The following AFAP1L2 variants were observed in gnomAD, a reference collection of about 807,000 sequenced individuals.
The protein encoded by AFAP1L2 is actin filament associated protein 1 like 2.
A neutral mutation model predicts 99.3 loss-of-function variants in AFAP1L2; 46 were observed. That is an observed-to-expected ratio of 0.46 (90% CI 0.37 to 0.59). The LOEUF (loss-of-function observed/expected upper bound fraction) is 0.59, where lower values mean the gene tolerates loss of function less well. Ranked by LOEUF, AFAP1L2 falls within the 20% of genes least tolerant of loss-of-function variation. AFAP1L2 has a pLI of 0.00. For missense variants in AFAP1L2, 959 were observed against 1,034.9 expected (o/e 0.93, Z 1.01); for synonymous variants, 397 against 419.1 (o/e 0.95, Z 0.64).
intron 1 of AFAP1L2, among the ~76,000 whole-genome samples, chr10:114,348,914 A>G (rs572728713): frequency 6.6e-6 from 1 of 152,324 alleles, no homozygotes; most frequent in African/African-American, 2.4e-5. Flanking sequence ...AAGTCTTTTT[A>G]CCTAATAAAA....
In AFAP1L2 at chr10:114,389,662, C is replaced by G. The variant is rs2056908556; in HGVS notation, c.16+14778G>C. Among the ~76,000 whole-genome samples the G allele has an allele frequency of 3.9e-5, 6 of 152,302 alleles. No homozygotes were observed. The Middle Eastern group carries it at 0.017, about 432-fold the overall frequency. On this transcript the variant is annotated intron_variant, in intron 1 of 18. Coordinates refer to ENST00000304129, the MANE Select transcript of AFAP1L2 (RefSeq NM_001001936.3). ...AGCTATGAAAAGCCAGCCCTACCACCCCAGGCTTATTCATGCATCTCCCCC... is the reference window on the plus strand; with the variant it reads ...AGCTATGAAAAGCCAGCCCTACCACGCCAGGCTTATTCATGCATCTCCCCC...
chr10:114,287,893 C>T, the AFAP1L2 span, among the ~76,000 whole-genome samples: 1 of 152,176 alleles, frequency 6.6e-6, no homozygotes, highest in East Asian at 1.9e-4. Context: ...TACCTAATGT[C>T]TTTTTTGTGT....
chr10:114,358,923 A>T (rs2051805261), intron 1 of AFAP1L2, among the ~76,000 whole-genome samples: 1 of 28,906 alleles, frequency 3.5e-5, no homozygotes, highest in Non-Finnish European at 9.7e-5. Flanking sequence ...CTCAAAATAA[A>T]AAAAAAAAGA....
intron 10 of AFAP1L2, among the ~76,000 whole-genome samples, chr10:114,307,409 TG>T (rs1452934093): frequency 6.6e-6 from 1 of 152,076 alleles, no homozygotes; most frequent in African/African-American, 2.4e-5. Flanking sequence ...TGCGTGCTTA[TG>T]GGTATAAAAT....
At chr10:114,292,987 G>A (rs2039742281), downstream of AFAP1L2, among the ~76,000 whole-genome samples, 1 of 152,178 alleles carries the variant, frequency 6.6e-6, no homozygotes, top group Non-Finnish European at 1.5e-5. Context: ...GATTACAGGG[G>A]TGAACCACTG....
intron 1 of AFAP1L2, among the ~76,000 whole-genome samples, chr10:114,400,532 T>C (rs1442979949): frequency 6.6e-6 from 1 of 152,210 alleles, no homozygotes; most frequent in Non-Finnish European, 1.5e-5. Flanking sequence ...AAGCCTCTAA[T>C]AGCTGAAGGT....
chr10:114,303,246 C>T (rs932373207), intron 11 of AFAP1L2, among the ~76,000 whole-genome samples: 6 of 152,198 alleles, frequency 3.9e-5, no homozygotes, highest in Non-Finnish European at 8.8e-5. Context: ...TTTGCTGCTA[C>T]ATTCTCTTCA....
the AFAP1L2 span, chr10:114,286,324 T>C: frequency 6.2e-7 from 1 of 1,612,658 alleles, no homozygotes; most frequent in Non-Finnish European, 8.5e-7. Context: ...AGGATGAGGT[T>C]GCGGGCCCAG....
At chr10:114,300,923 G>A (rs776198037) in intron 13 of AFAP1L2, among the ~76,000 whole-genome samples, 4 of 152,182 alleles carry the variant, frequency 2.6e-5, no homozygotes, top group East Asian at 1.9e-4. Flanking sequence ...AAGAGGAAAA[G>A]AGCAGCATCT....
intron 2 of AFAP1L2, among the ~76,000 whole-genome samples, chr10:114,337,081 C>T (rs1381559296): frequency 2.0e-5 from 3 of 152,096 alleles, no homozygotes; most frequent in Non-Finnish European, 2.9e-5. Flanking sequence ...CCTGGGAGGC[C>T]GAGGGAAAGA....
intron 1 of AFAP1L2, 83 bp from the exon 2 acceptor site, chr10:114,340,814 C>T (rs757543734): frequency 6.3e-7 from 1 of 1,588,136 alleles, no homozygotes; most frequent in Non-Finnish European, 8.6e-7. Flanking sequence ...ACCCTGCAGC[C>T]TCCCACCTCG....
Position 114,323,153 on chromosome 10 carries a change from C to T in AFAP1L2, c.406+18G>A. ...AAGCAGTAAGTCACCCTCCCAAGCC[C>T]CAGCCGCTGGGATGTACCATTGAGG... On this transcript the variant is annotated intron_variant, in intron 5 of 18. Coordinates refer to ENST00000304129, the MANE Select transcript of AFAP1L2 (RefSeq NM_001001936.3). 1 of 1,575,424 alleles carries T rather than the reference C, an allele frequency of 6.3e-7. No homozygotes were observed. Among genetic ancestry groups the T allele is most frequent in the Non-Finnish European group, 8.6e-7 (1 of 1,158,608 alleles).
chr10:114,332,082 G>GC (rs35793352), intron 3 of AFAP1L2, among the ~76,000 whole-genome samples, 185 bp from the exon 4 acceptor site: 1 of 152,118 alleles, frequency 6.6e-6, no homozygotes, highest in Non-Finnish European at 1.5e-5. Context: ...GTGCAGGAGT[G>GC]CCCCAGACAT....
At chr10:114,298,584 C>T (rs1343835964) in intron 16 of AFAP1L2, among the ~76,000 whole-genome samples, 2 of 151,822 alleles carry the variant, frequency 1.3e-5, no homozygotes, top group East Asian at 3.9e-4. Flanking sequence ...GTGGCTCACG[C>T]TCACACCTGT....
intron 2 of AFAP1L2, among the ~76,000 whole-genome samples, chr10:114,335,592 A>G (rs1439767312): frequency 1.4e-5 from 2 of 146,952 alleles, no homozygotes; most frequent in Admixed American, 7.0e-5. Flanking sequence ...CAGCCTGGTC[A>G]ACAGAGCAAG....
At chr10:114,341,099 G>A (rs1238987796) in intron 1 of AFAP1L2, among the ~76,000 whole-genome samples, 1 of 152,224 alleles carries the variant, frequency 6.6e-6, no homozygotes, top group Admixed American at 6.5e-5. Flanking sequence ...AAAATGCTTT[G>A]AGAGCTGTTG....
chr10:114,317,890 C>CT (rs375124009), intron 5 of AFAP1L2, among the ~76,000 whole-genome samples: 192 of 152,260 alleles, frequency 1.3e-3, no homozygotes, highest in Non-Finnish European at 2.1e-3. Context: ...AAGAATGTTA[C>CT]ATGCATTAGG....
At chr10:114,340,856 G>A (rs2048720221) in intron 1 of AFAP1L2, 125 bp from the exon 2 acceptor site, 2 of 1,403,124 alleles carry the variant, frequency 1.4e-6, no homozygotes, top group African/African-American at 2.8e-5. Context: ...AGGGTTTGGT[G>A]TGAGGTCTGG....
At chr10:114,399,004 A>C (rs747028581) in intron 1 of AFAP1L2, 13 of 1,056,896 alleles carry the variant, frequency 1.2e-5, no homozygotes, top group Non-Finnish European at 1.7e-5. Context: ...ATTTTGCTTC[A>C]TTTCTTTTTG....
Sources: allele counts gnomAD v4.1 joint callset (sites outside exome capture counted in the v4.1 genomes callset), GRCh38; gene constraint gnomAD v4.1.1; transcripts MANE v1.5; gene names NCBI Gene and HGNC (gene_info 2026-07-23, HGNC 2026-07-21).